The following STAU2 variants were observed in gnomAD, a reference collection of about 807,000 sequenced individuals.
The protein encoded by STAU2 is double-stranded RNA-binding protein Staufen homolog 2.
A neutral mutation model predicts 65.9 loss-of-function variants in STAU2; 20 were observed. That is an observed-to-expected ratio of 0.30 (90% CI 0.21 to 0.44). The LOEUF is 0.44. Ranked by LOEUF, STAU2 falls within the 20% of genes least tolerant of loss-of-function variation. The pLI is 1.00. For missense variants in STAU2, 558 were observed against 683.9 expected (o/e 0.82, Z 2.05); for synonymous variants, 232 against 233.9 (o/e 0.99, Z 0.07).
intron 4 of STAU2, among the ~76,000 whole-genome samples, chr8:73,702,363 T>G (rs1820172012): frequency 6.6e-6 from 1 of 152,166 alleles, no homozygotes; most frequent in African/African-American, 2.4e-5. Flanking sequence ...GCCTGGGGTC[T>G]CAGGTACAAA....
intron 13 of STAU2, chr8:73,527,517 A>C: frequency 4.5e-6 from 2 of 444,138 alleles, no homozygotes; most frequent in Non-Finnish European, 8.1e-6. Flanking sequence ...TAAATCTACT[A>C]TGATATCAAT....
chr8:73,484,880 G>A (rs148670968), intron 13 of STAU2, among the ~76,000 whole-genome samples: 263 of 152,160 alleles, frequency 1.7e-3, no homozygotes, highest in African/African-American at 6.0e-3. Flanking sequence ...ATTGACAACT[G>A]GGGCCATGAC....
At chr8:73,456,059 C>T (rs974207819) in intron 13 of STAU2, among the ~76,000 whole-genome samples, 9 of 152,200 alleles carry the variant, frequency 5.9e-5, no homozygotes, top group African/African-American at 1.9e-4. Flanking sequence ...AAATGAATGA[C>T]GATGGGACAT....
Position 73,603,725 on chromosome 8 carries a change from C to T in STAU2, c.1029+1G>A, listed in dbSNP as rs1401599239. The T allele has an allele frequency of 6.2e-7, 1 of 1,610,232 alleles. No individual in the cohort carries two copies. The highest frequency in any genetic ancestry group is 1.3e-5 in the African/African-American group (1 of 74,706). The stretch of plus-strand genomic sequence containing the variant: ...CAATAGTTTTAAAAGGTTAGAAATA[C>T]CTGCATCACAAATTCTCGACGTCGA... On this transcript the variant is annotated splice_donor_variant, in intron 10 of 14. Coordinates refer to ENST00000524300, the MANE Select transcript of STAU2 (RefSeq NM_001164380.2). LOFTEE classifies it high-confidence loss of function.
At chr8:73,585,762 T>C (rs1327462930) in intron 11 of STAU2, among the ~76,000 whole-genome samples, 3 of 152,176 alleles carry the variant, frequency 2.0e-5, no homozygotes, top group Non-Finnish European at 4.4e-5. Flanking sequence ...GGAGATGATA[T>C]GGTTTGGCTC....
At chr8:73,479,696 G>A (rs2383912) in intron 13 of STAU2, among the ~76,000 whole-genome samples, 16,161 of 76,544 alleles carry the variant, frequency 0.21, 1,206 homozygotes, top group African/African-American at 0.36. Flanking sequence ...TTCCAACAAA[G>A]ATACACTTAA....
At chr8:73,462,856 G>A (rs1401091241) in intron 13 of STAU2, among the ~76,000 whole-genome samples, 2 of 152,036 alleles carry the variant, frequency 1.3e-5, no homozygotes, top group African/African-American at 4.8e-5. Context: ...CAACTTCTTT[G>A]AGTGCCTTTA....
chr8:73,688,548 G>A, intron 5 of STAU2, 106 bp downstream of exon 5: 1 of 1,040,942 alleles, frequency 9.6e-7, no homozygotes, highest in Non-Finnish European at 1.5e-6. Context: ...GGGCATATGT[G>A]TACTATTAAT....
intron 13 of STAU2, among the ~76,000 whole-genome samples, chr8:73,479,507 C>A (rs905708108): frequency 6.6e-6 from 1 of 151,382 alleles, no homozygotes; most frequent in Non-Finnish European, 1.5e-5. Flanking sequence ...CACTCTCATA[C>A]AATGGGGGAA....
intron 13 of STAU2, among the ~76,000 whole-genome samples, chr8:73,533,984 C>A (rs1051804402): frequency 6.6e-6 from 1 of 152,066 alleles, no homozygotes; most frequent in African/African-American, 2.4e-5. Context: ...TTTTTAATGG[C>A]CACCCCCTAT....
chr8:73,612,461 G>A (rs1310142399), intron 9 of STAU2, among the ~76,000 whole-genome samples: 2 of 152,134 alleles, frequency 1.3e-5, no homozygotes, highest in East Asian at 1.9e-4. Flanking sequence ...TTCTACTCCT[G>A]ACTGTGTAGG....
chr8:73,468,851 T>C (rs1212946356), intron 13 of STAU2, among the ~76,000 whole-genome samples: 2 of 152,208 alleles, frequency 1.3e-5, no homozygotes, highest in Non-Finnish European at 2.9e-5. Flanking sequence ...TTTTACACCG[T>C]TGGTGGGACT....
At chr8:73,728,754 C>T (rs1165403070) in intron 3 of STAU2, among the ~76,000 whole-genome samples, 1 of 152,104 alleles carries the variant, frequency 6.6e-6, no homozygotes, top group Non-Finnish European at 1.5e-5. Context: ...AACACAAATG[C>T]TTTTTGTGTG....
At chr8:73,596,930 T>C (rs994475956) in intron 10 of STAU2, among the ~76,000 whole-genome samples, 2 of 151,926 alleles carry the variant, frequency 1.3e-5, no homozygotes, top group Admixed American at 6.6e-5. Flanking sequence ...GAAATTCCAG[T>C]GAAAACTAGA....
At chr8:73,462,817 T>C (rs1376391268) in intron 13 of STAU2, among the ~76,000 whole-genome samples, 1 of 152,208 alleles carries the variant, frequency 6.6e-6, no homozygotes, top group African/African-American at 2.4e-5. Context: ...AAATTTAATG[T>C]CTTTATGATA....
At chr8:73,505,666 A>G (rs551763758) in intron 13 of STAU2, among the ~76,000 whole-genome samples, 9 of 152,274 alleles carry the variant, frequency 5.9e-5, no homozygotes, top group Admixed American at 2.0e-4. Context: ...ATGATCATGA[A>G]TGACCTTATA....
At chr8:73,599,465 T>C (rs114819558) in intron 10 of STAU2, among the ~76,000 whole-genome samples, 2,005 of 152,228 alleles carry the variant, frequency 0.013, 36 homozygotes, top group African/African-American at 0.044. Flanking sequence ...GCAATCCATA[T>C]CTGAAAAGTT....
intron 9 of STAU2, among the ~76,000 whole-genome samples, chr8:73,611,415 A>G (rs955922805): frequency 6.6e-6 from 1 of 152,138 alleles, no homozygotes; most frequent in African/African-American, 2.4e-5. Context: ...GAGTTCCTAA[A>G]AAAGTCAAGT....
chr8:73,550,940 T>A, intron 13 of STAU2: 1 of 985,192 alleles, frequency 1.0e-6, no homozygotes, highest in Non-Finnish European at 1.2e-6. Context: ...AAAATATTTA[T>A]AAATACATGA....
Sources: gnomAD v4.1 joint callset for allele counts (sites outside exome capture counted in the v4.1 genomes callset) on GRCh38, gnomAD v4.1.1 for gene constraint, MANE v1.5 for transcripts, NCBI Gene and HGNC (gene_info 2026-07-23, HGNC 2026-07-21) for gene names.